GP6: variants seen among roughly 807,000 people sequenced by gnomAD.
GP6 encodes platelet glycoprotein VI.
In GP6, 45 loss-of-function variants were observed where a neutral mutation model predicts 37.3. The observed-to-expected ratio is 1.21, with a 90% CI of 0.95 to 1.55. The LOEUF (loss-of-function observed/expected upper bound fraction) is 1.55, where lower values mean the gene tolerates loss of function less well. GP6 is among the 40% of genes most tolerant of loss of function. The probability of loss-of-function intolerance (pLI) is 0.00; values close to 1 mark genes in which losing one functional copy is unlikely to be tolerated. For synonymous variants in GP6, 340 were observed against 316.4 expected, an observed-to-expected ratio of 1.07 and a Z score of -0.79; for missense variants, 813 against 760.2, an observed-to-expected ratio of 1.07 and a Z score of -0.82.
chr19:55,018,787 A>G (rs1412836305), intron 5 of GP6, 76 bp from the exon 6 acceptor site: 1 of 971,744 alleles, frequency 1.0e-6, no homozygotes, highest in Admixed American at 1.7e-5. Context: ...CCCTTTTGAG[A>G]TATCTAGGCT....
rs543687991 is a variant in GP6 at position 55,034,534 on chromosome 19, C to T, written c.35-1996G>A. On this transcript the variant is annotated intron_variant, in intron 1 of 7. Coordinates refer to ENST00000310373, the MANE Select transcript of GP6 (RefSeq NM_001083899.2). ...TCACGCCACTACACTCCAGCCTGGGCAACAGAGCAAGACTCCATCTCGAGG... is the reference window on the plus strand; with the variant it reads ...TCACGCCACTACACTCCAGCCTGGGTAACAGAGCAAGACTCCATCTCGAGG... 2.9e-4 allele frequency among the ~76,000 whole-genome samples: 44 copies of T among 150,926 alleles called. 1 individual carries two copies. In the South Asian group the frequency reaches 8.2e-3, roughly 28 times the overall value.
chr19:55,018,908 C>T, intron 5 of GP6, 197 bp from the exon 6 acceptor site: 1 of 632,236 alleles, frequency 1.6e-6, no homozygotes. Context: ...ATCCGTTCAG[C>T]AATTGATAGA....
At chr19:55,030,608 A>G (rs1308105478) in intron 3 of GP6, among the ~76,000 whole-genome samples, 2 of 151,552 alleles carry the variant, frequency 1.3e-5, no homozygotes, top group East Asian at 2.0e-4. Flanking sequence ...CTCCCAAAGT[A>G]CTGGGATTAC....
chr19:55,027,717 G>A lies in GP6; in HGVS notation c.471C>T (p.Pro157=), dbSNP rs758328364. 1 of 1,613,754 alleles carries A rather than the reference G, an allele frequency of 6.2e-7. No individual in the cohort carries two copies. Among genetic ancestry groups the A allele is most frequent in the South Asian group, 1.1e-5 (1 of 91,080 alleles). ...GAAAACTAGCCCTGTACCATCTCTC[G>A]GGATTCTTGTAGGGCGCAGGGTCCC... Residue 157 remains proline (P), a synonymous_variant, in exon 4 of 8, where the codon CCC becomes CCT. Coordinates refer to ENST00000310373, the MANE Select transcript of GP6 (RefSeq NM_001083899.2).
At chr19:55,037,819 C>T (rs1417814907) in intron 1 of GP6, among the ~76,000 whole-genome samples, 1 of 151,762 alleles carries the variant, frequency 6.6e-6, no homozygotes, top group Admixed American at 6.6e-5. Context: ...GATGGGGTTT[C>T]ACCATGTTGA....
At chr19:55,034,813 T>A (rs1381924151) in intron 1 of GP6, among the ~76,000 whole-genome samples, 10 of 152,084 alleles carry the variant, frequency 6.6e-5, no homozygotes, top group Admixed American at 6.6e-4. Flanking sequence ...CAACCTTGTG[T>A]AGCTCACATA....
Position 55,025,270 on chromosome 19 carries a change from T to C in GP6, c.612A>G (p.Gly204=). 6.5e-7 allele frequency: 1 copy of C among 1,540,502 alleles called. No individual in the cohort carries two copies. The highest frequency in any genetic ancestry group is 8.8e-7 in the Non-Finnish European group (1 of 1,136,810). Residue 204 remains glycine (G), a splice_region_variant and synonymous_variant, in exon 5 of 8, where the codon GGA becomes GGG. Transcript: ENST00000310373. Reference sequence around the variant, plus strand: ...GTAACCGGCTGGGGGTCACAGAGGTTCCTGGGAAATCAGAAAATGAGATAA... The same window carrying C: ...GTAACCGGCTGGGGGTCACAGAGGTCCCTGGGAAATCAGAAAATGAGATAA...
In GP6 at chr19:55,014,554, G is replaced by T; in HGVS notation, c.1391C>A (p.Ser464Tyr). ...AGGATTTTGCACAGAGGATGGAACA[G>T]AGTCAACCCTGAGAGCTGGGAACCT... Residue 464 changes from serine (S) to tyrosine (Y), a missense_variant, in exon 8 of 8, where the codon TCT (serine) becomes TAT (tyrosine). Ser to Tyr is a moderately radical substitution (Grantham distance 144). Transcript: ENST00000310373. 1 of 1,613,344 alleles carries T rather than the reference G, an allele frequency of 6.2e-7. No homozygotes were observed. The highest frequency in any genetic ancestry group is 8.5e-7 in the Non-Finnish European group (1 of 1,179,344).
chr19:55,026,491 T>C (rs2074307516), intron 4 of GP6, among the ~76,000 whole-genome samples: 1 of 152,320 alleles, frequency 6.6e-6, no homozygotes, highest in Middle Eastern at 3.4e-3. Context: ...CATGTTGTAG[T>C]ATGTGTCAGA....
intron 3 of GP6, among the ~76,000 whole-genome samples, chr19:55,029,827 G>A (rs2074494673): frequency 6.9e-6 from 1 of 145,940 alleles, no homozygotes; most frequent in Non-Finnish European, 1.5e-5. Flanking sequence ...GACCCTGAAA[G>A]AAGTAATGAG....
rs1568628665 is a variant in GP6, at chr19:55,029,347, TATATATATATATATATATATATATA to T, written c.326-1510_326-1486del. 6.1e-3 allele frequency among the ~76,000 whole-genome samples: 29 copies of T among 4,764 alleles called. 4 individuals are homozygous for T. Among genetic ancestry groups the T allele is most frequent in the Admixed American group, 0.014 (6 of 436 alleles). The allele number at this position is 4,764 out of a possible 152,430, so 3.1% of individuals were successfully genotyped here. A position where few individuals can be genotyped will look rare whatever the true frequency, so the allele number is the denominator to read the frequency against. On this transcript the variant is annotated intron_variant, in intron 3 of 7. Coordinates refer to ENST00000310373, the MANE Select transcript of GP6 (RefSeq NM_001083899.2). ...ATATATATATATATATATATATATA[TATATATATATATATATATATATATA>T]TATTTTTTTTTTTTTTTTTTTTTTT... is the stretch of plus-strand genomic sequence containing the variant.
intron 7 of GP6, 33 bp downstream of exon 7, chr19:55,015,650 A>C (rs777656575): frequency 8.8e-6 from 12 of 1,368,614 alleles, no homozygotes; most frequent in Non-Finnish European, 1.2e-5. Context: ...ACGGGTGAGA[A>C]GGAAGGGGGT....
chr19:55,037,499 G>A (rs919855266), intron 1 of GP6, among the ~76,000 whole-genome samples: 1 of 151,762 alleles, frequency 6.6e-6, no homozygotes, highest in Non-Finnish European at 1.5e-5. Context: ...CACCACACCC[G>A]GCTAATTTTG....
chr19:55,029,374 ATTTTTTTTTTTTTTTTTTTTTTT>A (rs1160805363), intron 3 of GP6, among the ~76,000 whole-genome samples: 3 of 4,438 alleles, frequency 6.8e-4, no homozygotes, highest in African/African-American at 2.0e-3. Flanking sequence ...ATATATATAT[ATTTTTTTTTTTTTTTTTTTTTTT>A]TTTTTTTTTG....
chr19:55,024,309 T>TACACGCACATGCACGCACAC (rs2074206159), intron 5 of GP6, among the ~76,000 whole-genome samples: 1 of 129,950 alleles, frequency 7.7e-6, no homozygotes, highest in South Asian at 2.4e-4. Flanking sequence ...TGCACACACA[T>TACACGCACATGCACGCACAC]ATGCACGCAC....
chr19:55,026,910 C>T (rs1165965711), intron 4 of GP6, among the ~76,000 whole-genome samples: 2 of 151,844 alleles, frequency 1.3e-5, no homozygotes, highest in African/African-American at 4.8e-5. Flanking sequence ...AACCTCCATT[C>T]TCCCAGCTGC....
rs570800813 is a variant in GP6 at position 55,024,190 on chromosome 19, T to C, written c.664+1028A>G. Among the ~76,000 whole-genome samples, 4 of 152,038 alleles carry C rather than the reference T, an allele frequency of 2.6e-5. No homozygotes were observed. The East Asian group carries it at 5.8e-4, about 22-fold the overall frequency. On this transcript the variant is annotated intron_variant, in intron 5 of 7. Transcript: ENST00000310373. ...CACATGGGATTCTTCTGTTCTATCA[T>C]TGTAGACTTCCTGTGACTCTAGAAC...
chr19:55,029,458 C>T (rs1391091358), intron 3 of GP6, among the ~76,000 whole-genome samples: 1 of 139,906 alleles, frequency 7.1e-6, no homozygotes, highest in African/African-American at 2.7e-5. Flanking sequence ...TGGCATGATC[C>T]CAGCTCACTG....
chr19:55,034,228 C>G (rs756254901), intron 1 of GP6, among the ~76,000 whole-genome samples: 3 of 151,638 alleles, frequency 2.0e-5, no homozygotes, highest in Non-Finnish European at 4.4e-5. Context: ...CCTGGAATTG[C>G]TTGAGCCCAG....
Sources: allele counts gnomAD v4.1 joint callset (sites outside exome capture counted in the v4.1 genomes callset), GRCh38; gene constraint gnomAD v4.1.1; transcripts MANE v1.5; gene names NCBI Gene and HGNC (gene_info 2026-07-23, HGNC 2026-07-21).